Variants in CEP63 observed in about 807,000 individuals in gnomAD.
CEP63 encodes centrosomal protein 63.
A neutral mutation model predicts 89.1 loss-of-function variants in CEP63; 84 were observed. The ratio of observed to expected loss-of-function variants is 0.94; its 90% CI spans 0.79 to 1.13. The LOEUF (loss-of-function observed/expected upper bound fraction) is 1.13. Among genes scored for constraint, CEP63 ranks in the 50% most tolerant of loss-of-function variants. The pLI, the probability that CEP63 is intolerant of heterozygous loss-of-function variation, is 0.00. For missense variants in CEP63, 838 were observed against 813.3 expected (o/e 1.03, Z -0.37); for synonymous variants, 267 against 272.5 (o/e 0.98, Z 0.20).
intron 3 of CEP63, 93 bp from the exon 4 acceptor site, chr3:134,531,752 C>A: frequency 1.0e-6 from 1 of 974,158 alleles, no homozygotes; most frequent in Non-Finnish European, 1.6e-6. Context: ...CTTGAATTTA[C>A]AAATAAATAC....
chr3:134,737,727 G>A, the CEP63 span, among the ~76,000 whole-genome samples: 4 of 152,156 alleles, frequency 2.6e-5, no homozygotes, highest in Non-Finnish European at 5.9e-5. Context: ...CTCATGTCTG[G>A]CACCTTAGAT....
At chr3:134,592,631 T>C (rs1424882877), downstream of CEP63, among the ~76,000 whole-genome samples, 1 of 152,056 alleles carries the variant, frequency 6.6e-6, no homozygotes, top group African/African-American at 2.4e-5. Context: ...TTGATCTGTT[T>C]TCTCAGTGAT....
chr3:134,557,372 A>ATTTTTTTTTTTTT (rs1488699483), intron 12 of CEP63, among the ~76,000 whole-genome samples: 2 of 50,428 alleles, frequency 4.0e-5, no homozygotes, highest in Admixed American at 2.4e-4. Flanking sequence ...TACTTTCATA[A>ATTTTTTTTTTTTT]TTTGTTTTTT....
the CEP63 span, among the ~76,000 whole-genome samples, chr3:134,666,305 G>A: frequency 1.3e-4 from 20 of 152,236 alleles, no homozygotes; most frequent in African/African-American, 4.8e-4. Flanking sequence ...TGCGGGGCAT[G>A]TGCAAATGCA....
At chr3:134,600,244 C>T in the CEP63 span, among the ~76,000 whole-genome samples, 1 of 152,202 alleles carries the variant, frequency 6.6e-6, no homozygotes. Flanking sequence ...CCCACTCCTT[C>T]TAGTGAACAT....
chr3:134,607,723 G>T, the CEP63 span: 1 of 985,864 alleles, frequency 1.0e-6, no homozygotes, highest in Non-Finnish European at 1.2e-6. Flanking sequence ...ATACTCAGCT[G>T]CCATGGCTCC....
chr3:134,492,597 A>C (rs570002371), intron 1 of CEP63, among the ~76,000 whole-genome samples: 17 of 150,212 alleles, frequency 1.1e-4, no homozygotes, highest in African/African-American at 3.2e-4. Context: ...TTTAAACAGG[A>C]ATCTCTATCT....
At position 134,532,781 on chromosome 3, in the gene CEP63, T is replaced by G. The variant is rs182618446; in HGVS notation, c.322T>G (p.Cys108Gly). 6.3e-7 allele frequency: 1 copy of G among 1,599,238 alleles called. No individual in the cohort carries two copies. Among genetic ancestry groups the G allele is most frequent in the African/African-American group, 1.3e-5 (1 of 74,772 alleles). ...ATAGAAATAACTGTTTCTACAGTTA[T>G]GCATACTGAAGAGAAGCTATGAAAA... Reference protein sequence around the residue: ...QELKKLHEELCILKRSYEKLQ... With the variant: ...QELKKLHEELGILKRSYEKLQ... Residue 108 changes from cysteine to glycine, a missense_variant, in exon 5 of 15, where the codon TGC becomes GGC. By Grantham distance (159) the Cys-to-Gly change is radical. Coordinates refer to ENST00000675561, the MANE Select transcript of CEP63 (RefSeq NM_001353108.3).
intron 9 of CEP63, 138 bp downstream of exon 9, chr3:134,547,610 A>ATTTATTTTTTTTTTTTTTTTTTTTT (rs1553777504): frequency 1.3e-5 from 3 of 227,438 alleles, no homozygotes; most frequent in Admixed American, 1.4e-4. Context: ...CTAAGTTCTT[A>ATTTATTTTTTTTTTTTTTTTTTTTT]TTTCTTTTTT....
the CEP63 span, among the ~76,000 whole-genome samples, chr3:134,681,512 A>T: frequency 6.6e-6 from 1 of 152,222 alleles, no homozygotes; most frequent in Non-Finnish European, 1.5e-5. Flanking sequence ...TGTGATTGGT[A>T]GTAAAATACA....
intron 10 of CEP63, among the ~76,000 whole-genome samples, chr3:134,549,570 T>C (rs1954350844): frequency 1.3e-5 from 2 of 152,226 alleles, no homozygotes; most frequent in Non-Finnish European, 2.9e-5. Flanking sequence ...GTTAGTATCC[T>C]TGTCAGCTAT....
At chr3:134,589,612 G>A (rs1253894936), downstream of CEP63, among the ~76,000 whole-genome samples, 1 of 150,604 alleles carries the variant, frequency 6.6e-6, no homozygotes, top group East Asian at 1.9e-4. Flanking sequence ...TATTGGCAAG[G>A]GTGTGGAGGA....
chr3:134,686,013 T>C, the CEP63 span, among the ~76,000 whole-genome samples: 2 of 152,334 alleles, frequency 1.3e-5, no homozygotes, highest in Non-Finnish European at 2.9e-5. Context: ...TCAATCAGCC[T>C]GTGGCAGGGC....
chr3:134,638,272 C>T, the CEP63 span, among the ~76,000 whole-genome samples: 26 of 152,240 alleles, frequency 1.7e-4, no homozygotes, highest in African/African-American at 5.8e-4. Flanking sequence ...CTGGCTATGA[C>T]GCTACTGGAT....
the CEP63 span, among the ~76,000 whole-genome samples, chr3:134,694,775 A>T: frequency 1.0e-3 from 152 of 152,256 alleles, no homozygotes; most frequent in African/African-American, 3.6e-3. Flanking sequence ...CAGGGTTCTG[A>T]CACCCTGCAA....
At chr3:134,779,247 T>A in the CEP63 span, among the ~76,000 whole-genome samples, 4 of 152,230 alleles carry the variant, frequency 2.6e-5, no homozygotes, top group African/African-American at 9.6e-5. Context: ...CCCAAGTCCC[T>A]ACTGCTCAGC....
chr3:134,608,100 AT>A, the CEP63 span: 11 of 1,127,130 alleles, frequency 9.8e-6, 1 homozygote, highest in African/African-American at 1.6e-5. Context: ...TGGGAGACCC[AT>A]GTTGCTCCCC....
chr3:134,774,587 A>G, the CEP63 span, among the ~76,000 whole-genome samples: 1 of 152,228 alleles, frequency 6.6e-6, no homozygotes, highest in African/African-American at 2.4e-5. Flanking sequence ...GTTATCTTTG[A>G]AGATATATGT....
the CEP63 span, among the ~76,000 whole-genome samples, chr3:134,753,047 C>A: frequency 6.6e-6 from 1 of 152,170 alleles, no homozygotes; most frequent in Non-Finnish European, 1.5e-5. Flanking sequence ...AGGTCATAGG[C>A]AGATGGGGAT....
Sources: allele counts gnomAD v4.1 joint callset (sites outside exome capture counted in the v4.1 genomes callset), GRCh38; gene constraint gnomAD v4.1.1; transcripts MANE v1.5; gene names NCBI Gene and HGNC (gene_info 2026-07-23, HGNC 2026-07-21).